The following TANC1 variants were observed in gnomAD, a reference collection of about 807,000 sequenced individuals.
The protein encoded by TANC1 is protein TANC1.
TANC1 carries 77 observed loss-of-function variants against 149.7 expected under a neutral mutation model. That is an observed-to-expected ratio of 0.51 (90% CI 0.43 to 0.62). TANC1 has a LOEUF of 0.62. Among genes scored for constraint, TANC1 ranks in the 20% least tolerant of loss-of-function variants. The pLI, the probability that TANC1 is intolerant of heterozygous loss-of-function variation, is 0.00. For synonymous variants in TANC1, 854 were observed against 925.0 expected (o/e 0.92, Z 1.39); for missense variants, 1,985 against 2,321.8 (o/e 0.85, Z 2.98).
intron 3 of TANC1, among the ~76,000 whole-genome samples, chr2:159,093,074 T>A (rs2045715442): frequency 6.6e-6 from 1 of 152,174 alleles, no homozygotes; most frequent in Non-Finnish European, 1.5e-5. Flanking sequence ...GTCTGTGGTG[T>A]GTAAATGTTC....
chr2:159,200,725 C>G (rs923874681), intron 19 of TANC1, among the ~76,000 whole-genome samples: 1 of 152,214 alleles, frequency 6.6e-6, no homozygotes, highest in Non-Finnish European at 1.5e-5. Context: ...GCTGGATTCT[C>G]TACTTCAGGA....
Position 158,986,175 on chromosome 2 carries a change from A to G in TANC1, c.-125-14905A>G, listed in dbSNP as rs965342160. On this transcript the variant is annotated intron_variant, in intron 1 of 26. Coordinates refer to ENST00000263635, the MANE Select transcript of TANC1 (RefSeq NM_033394.3). ...AAATCAGTGGCTCCCTATCAATTTC[A>G]CTTAACAAGACGGAATGAGAACATG... Among the ~76,000 whole-genome samples, 4 of 152,208 alleles carry G rather than the reference A, an allele frequency of 2.6e-5. No individual in the cohort carries two copies. The South Asian group carries it at 8.3e-4, about 31-fold the overall frequency.
At chr2:159,219,972 C>A in intron 22 of TANC1, 105 bp downstream of exon 22, 1 of 773,534 alleles carries the variant, frequency 1.3e-6, no homozygotes, top group Non-Finnish European at 2.0e-6. Context: ...TCAGTGTCAT[C>A]AGAGAGTGTG....
chr2:159,169,299 A>C lies in TANC1; in HGVS notation c.996A>C (p.Arg332Ser). ...LEDLSYLDGQ[R>S]NAPLRTSIRL... ...ATCTGAGTTATTTAGACGGGCAGAG[A>C]AATGCTCCTCTACGGACGTCAATTA... Residue 332 changes from arginine to serine, a missense_variant, in exon 9 of 27, where the codon AGA becomes AGC. Physicochemically the swap from Arg to Ser is moderately radical, Grantham distance 110 (BLOSUM62 -1). Transcript: ENST00000263635. 6.2e-7 allele frequency: 1 copy of C among 1,613,404 alleles called. No homozygotes were observed. The highest frequency in any genetic ancestry group is 1.1e-5 in the South Asian group (1 of 91,052).
chr2:158,970,636 G>T (rs1056562516), intron 1 of TANC1, among the ~76,000 whole-genome samples: 3 of 152,204 alleles, frequency 2.0e-5, no homozygotes, highest in African/African-American at 7.2e-5. Context: ...TGAAAAGTAT[G>T]TGGCAGTAAA....
At chr2:158,996,874 A>G (rs929182498) in intron 1 of TANC1, among the ~76,000 whole-genome samples, 2 of 152,160 alleles carry the variant, frequency 1.3e-5, no homozygotes, top group African/African-American at 4.8e-5. Flanking sequence ...TAAAATAGAC[A>G]TGAAAGAACT....
rs1317521633 is a variant in TANC1 at position 159,170,741 on chromosome 2, C to T, written c.1287C>T (p.Ala429=). 4 of 1,614,008 alleles carry T rather than the reference C, an allele frequency of 2.5e-6. No individual in the cohort carries two copies. In the African/African-American group the frequency reaches 4.0e-5, roughly 16 times the overall value. The change falls in exon 10 of 27, where the codon GCC becomes GCT. Residue 429 remains alanine (A), a synonymous_variant. Transcript: ENST00000263635. The stretch of plus-strand genomic sequence containing the variant: ...CGGCAATCATTTCCAAGTTGGTGGC[C>T]CTGAGCTGCCACGGAAGCCGCATGA... The part of the protein sequence containing the change: ...GKTAIISKLV[A]LSCHGSRMRQ...
chr2:159,096,114 A>ATTCTG (rs2046100206), intron 3 of TANC1, among the ~76,000 whole-genome samples: 1 of 152,128 alleles, frequency 6.6e-6, no homozygotes, highest in Non-Finnish European at 1.5e-5. Flanking sequence ...CATCTTTCAA[A>ATTCTG]TTCTGCTCTC....
intron 2 of TANC1, among the ~76,000 whole-genome samples, chr2:159,012,098 A>G (rs960127672): frequency 2.6e-5 from 4 of 152,226 alleles, no homozygotes; most frequent in Non-Finnish European, 5.9e-5. Context: ...AACAGGAACC[A>G]GGCAGACCCA....
chr2:159,206,499 G>T (rs556747813), intron 19 of TANC1, among the ~76,000 whole-genome samples: 1 of 152,302 alleles, frequency 6.6e-6, no homozygotes, highest in East Asian at 1.9e-4. Context: ...AGAAACCCAG[G>T]GGTGGTGTCT....
intron 4 of TANC1, among the ~76,000 whole-genome samples, chr2:159,126,794 C>G (rs2049495964): frequency 6.6e-6 from 1 of 152,256 alleles, no homozygotes; most frequent in African/African-American, 2.4e-5. Flanking sequence ...ATATAGTAGA[C>G]TCTTGCCATC....
rs566013746 is a variant in TANC1, at chr2:159,135,720, C to T, written c.260-474C>T. On this transcript the variant is annotated intron_variant, in intron 4 of 26. Transcript: ENST00000263635. ...CGCAGACTGTGTTGCTGTTACAGGC[C>T]GGCTGTTTGTAATCCTTGCCTCCTG... is the stretch of plus-strand genomic sequence containing the variant. Among the ~76,000 whole-genome samples, 7 of 152,304 alleles carry T rather than the reference C, an allele frequency of 4.6e-5. No individual in the cohort carries two copies. In the East Asian group the frequency reaches 9.7e-4, roughly 21 times the overall value.
intron 5 of TANC1, among the ~76,000 whole-genome samples, chr2:159,141,056 C>G (rs6722916): frequency 0.012 from 1,866 of 152,266 alleles, 43 homozygotes; most frequent in African/African-American, 0.042. Context: ...TACCTGTTGT[C>G]TTAGTTCAGG....
At chr2:158,977,644 C>A (rs936293230) in intron 1 of TANC1, among the ~76,000 whole-genome samples, 1 of 150,554 alleles carries the variant, frequency 6.6e-6, no homozygotes, top group Non-Finnish European at 1.5e-5. Flanking sequence ...GATAGTCCTG[C>A]GTGATCAAAA....
chr2:158,994,602 T>C (rs998410763), intron 1 of TANC1, among the ~76,000 whole-genome samples: 1 of 152,184 alleles, frequency 6.6e-6, no homozygotes, highest in Non-Finnish European at 1.5e-5. Flanking sequence ...ACAAAGTAGA[T>C]TAGTTGTCAT....
chr2:159,133,268 GT>G (rs2050290947), intron 4 of TANC1, among the ~76,000 whole-genome samples: 1 of 151,858 alleles, frequency 6.6e-6, no homozygotes, highest in Non-Finnish European at 1.5e-5. Flanking sequence ...GGGAAAATAT[GT>G]CAGCAGTTCA....
At chr2:159,070,327 C>T (rs1327553214) in intron 3 of TANC1, among the ~76,000 whole-genome samples, 1 of 151,152 alleles carries the variant, frequency 6.6e-6, no homozygotes. Flanking sequence ...CAGAGATTTT[C>T]CCCCACACAC....
At chr2:159,062,043 GC>G (rs2149668783) in intron 2 of TANC1, among the ~76,000 whole-genome samples, 1 of 152,210 alleles carries the variant, frequency 6.6e-6, no homozygotes, top group Non-Finnish European at 1.5e-5. Context: ...TTTGAGACCA[GC>G]CTGGCCAACA....
chr2:159,041,022 C>T (rs1282464763), intron 2 of TANC1, among the ~76,000 whole-genome samples: 4 of 152,216 alleles, frequency 2.6e-5, no homozygotes, highest in Non-Finnish European at 5.9e-5. Context: ...TCAGGTCCCT[C>T]AGCTGCAGGT....
Sources: gnomAD v4.1 joint callset for allele counts (sites outside exome capture counted in the v4.1 genomes callset) on GRCh38, gnomAD v4.1.1 for gene constraint, MANE v1.5 for transcripts, NCBI Gene and HGNC (gene_info 2026-07-23, HGNC 2026-07-21) for gene names.